GARS1: variants seen among roughly 807,000 people sequenced by gnomAD.
The protein encoded by GARS1 is glycine--tRNA ligase.
A neutral mutation model predicts 86.4 loss-of-function variants in GARS1; 46 were observed. The observed-to-expected ratio is 0.53, with a 90% CI of 0.42 to 0.68. GARS1 has a LOEUF of 0.68. GARS1 is among the 30% of genes least tolerant of loss of function. The probability of loss-of-function intolerance (pLI) is 0.00; values close to 1 mark genes in which losing one functional copy is unlikely to be tolerated. For synonymous variants in GARS1, 342 were observed against 329.8 expected, an observed-to-expected ratio of 1.04 and a Z score of -0.40; for missense variants, 797 against 915.6, an observed-to-expected ratio of 0.87 and a Z score of 1.67.
intron 8 of GARS1, 93 bp from the exon 9 acceptor site, chr7:30,615,803 C>T: frequency 7.2e-7 from 1 of 1,393,080 alleles, no homozygotes. Flanking sequence ...GCCTTTATCA[C>T]TAGAATGCAG....
chr7:30,626,960 G>A (rs558938415), intron 13 of GARS1: 48 of 381,654 alleles, frequency 1.3e-4, no homozygotes, highest in South Asian at 8.9e-4. Context: ...CAGCCTGGGC[G>A]ACAGTGCAAG....
chr7:30,632,029 C>T lies in GARS1; in HGVS notation c.1904-218C>T, dbSNP rs1783244213. 2 of 548,662 alleles carry T rather than the reference C, an allele frequency of 3.6e-6. No homozygotes were observed. Among genetic ancestry groups the T allele is most frequent in the Non-Finnish European group, 6.5e-6 (2 of 307,776 alleles). 34.0% of individuals were successfully genotyped at this position (548,662 alleles called of 1,614,324 possible). A position where few individuals can be genotyped will look rare whatever the true frequency, so the allele number is the denominator to read the frequency against. On this transcript the variant is annotated intron_variant, in intron 15 of 16. Coordinates refer to ENST00000389266, the MANE Select transcript of GARS1 (RefSeq NM_002047.4). The surrounding 1 kb of genome is among the most constrained non-coding windows in gnomAD (Gnocchi z 4.1). ...TTGGCTCTTGGTCCCATATTTGTTCCCCCTATAGCTGTATCAGATGGAGGT... is the reference window on the plus strand; with the variant it reads ...TTGGCTCTTGGTCCCATATTTGTTCTCCCTATAGCTGTATCAGATGGAGGT...
chr7:30,595,211 T>TC, intron 1 of GARS1, 68 bp downstream of exon 1: 1 of 1,344,444 alleles, frequency 7.4e-7, no homozygotes, highest in South Asian at 1.3e-5. Flanking sequence ...TGGTCATCCT[T>TC]CCCTCCTCCC....
chr7:30,594,856 T>C (rs948489135), upstream of GARS1: 6 of 1,379,396 alleles, frequency 4.3e-6, no homozygotes, highest in African/African-American at 5.8e-5. Context: ...TTCATCATGC[T>C]CCGAGCCGGG....
Position 30,603,073 on chromosome 7 carries a change from G to A in GARS1, c.609G>A (p.Val203=). 1 of 1,613,884 alleles carries A rather than the reference G, an allele frequency of 6.2e-7. No individual in the cohort carries two copies. Residue 203 remains valine, a synonymous_variant, in exon 5 of 17, where the codon GTG becomes GTA. Transcript: ENST00000389266. ...TAGACAAATTTGCTGACTTCATGGT[G>A]AAAGACGTAAAAAATGGAGAATGTT... ...GHVDKFADFM[V]KDVKNGECFR...
At position 30,633,866 on chromosome 7, in the gene GARS1, A is replaced by G. The variant is rs374447346; in HGVS notation, c.*6A>G. 8.9e-6 allele frequency: 14 copies of G among 1,572,952 alleles called. No individual in the cohort carries two copies. The highest frequency in any genetic ancestry group is 1.4e-5 in the African/African-American group (1 of 72,314). The stretch of plus-strand genomic sequence containing the variant: ...AAGAGACAATCGAGGAATGAGGACA[A>G]TTTTGACAACTTTTGACCACTTGCG... On this transcript the variant is annotated 3_prime_UTR_variant, in exon 17 of 17. Coordinates refer to ENST00000389266, the MANE Select transcript of GARS1 (RefSeq NM_002047.4).
At chr7:30,624,481 G>A (rs998261235) in intron 12 of GARS1, among the ~76,000 whole-genome samples, 9 of 152,154 alleles carry the variant, frequency 5.9e-5, no homozygotes, top group African/African-American at 1.9e-4. Context: ...GTAGCACAAA[G>A]GGTGGGAGCA....
chr7:30,605,295 C>T (rs1466422337), intron 6 of GARS1, among the ~76,000 whole-genome samples: 2 of 152,204 alleles, frequency 1.3e-5, no homozygotes, highest in South Asian at 2.1e-4. Context: ...CAGCTCAGAA[C>T]GAATTCTTTT....
intron 12 of GARS1, 153 bp downstream of exon 12, chr7:30,622,615 AT>A: frequency 1.1e-6 from 1 of 885,288 alleles, no homozygotes; most frequent in Non-Finnish European, 1.8e-6. Flanking sequence ...AGATTTTGGC[AT>A]TATAGCCTGA....
chr7:30,625,052 C>T (rs1783099211), intron 12 of GARS1, among the ~76,000 whole-genome samples: 1 of 152,104 alleles, frequency 6.6e-6, no homozygotes, highest in East Asian at 1.9e-4. Flanking sequence ...AAGCAATTCT[C>T]CTGCCTCAGC....
chr7:30,598,621 T>C (rs1177916670), intron 1 of GARS1, among the ~76,000 whole-genome samples, 175 bp from the exon 2 acceptor site: 1 of 152,146 alleles, frequency 6.6e-6, no homozygotes, highest in Non-Finnish European at 1.5e-5. Context: ...ACTCCTGATC[T>C]CAGATGGTGA....
rs757368708 is a variant in GARS1 at position 30,632,452 on chromosome 7, C to G, written c.2094+15C>G. 6 of 1,613,854 alleles carry G rather than the reference C, an allele frequency of 3.7e-6. No individual in the cohort carries two copies. The highest frequency in any genetic ancestry group is 1.3e-5 in the African/African-American group (1 of 75,028). ...TAAGAGCAGAGGTATCTGGCCTTCT[C>G]TTTGGCATTTTTAGCCTTAGAAATG... On this transcript the variant is annotated intron_variant, in intron 16 of 16. Coordinates refer to ENST00000389266, the MANE Select transcript of GARS1 (RefSeq NM_002047.4). The surrounding 1 kb of genome is among the most constrained non-coding windows in gnomAD (Gnocchi z 4.1).
intron 6 of GARS1, among the ~76,000 whole-genome samples, chr7:30,606,647 G>A (rs114559294): frequency 1.4e-4 from 21 of 152,214 alleles, no homozygotes; most frequent in African/African-American, 5.1e-4. Flanking sequence ...CACAGCCCTT[G>A]TAGTCTCTGA....
At chr7:30,625,308 A>T (rs983238552) in intron 12 of GARS1, among the ~76,000 whole-genome samples, 1 of 152,216 alleles carries the variant, frequency 6.6e-6, no homozygotes, top group African/African-American at 2.4e-5. Flanking sequence ...GAGAGAATGC[A>T]TGTGACACTG....
chr7:30,597,832 C>T (rs961186714), intron 1 of GARS1, among the ~76,000 whole-genome samples: 3 of 152,158 alleles, frequency 2.0e-5, no homozygotes, highest in African/African-American at 7.2e-5. Context: ...CTGTTGGGTG[C>T]CCAAGGGCTA....
chr7:30,596,327 TC>T (rs1791245451), intron 1 of GARS1, among the ~76,000 whole-genome samples: 1 of 152,244 alleles, frequency 6.6e-6, no homozygotes, highest in South Asian at 2.1e-4. Flanking sequence ...TTAACTTTTT[TC>T]TTCATGATTG....
intron 7 of GARS1, among the ~76,000 whole-genome samples, chr7:30,610,802 A>T (rs370209026): frequency 4.6e-5 from 7 of 152,236 alleles, no homozygotes; most frequent in African/African-American, 1.7e-4. Context: ...AAATTATGGT[A>T]AAGTGGATTA....
chr7:30,621,341 C>A, intron 10 of GARS1, 52 bp from the exon 11 acceptor site: 1 of 1,420,962 alleles, frequency 7.0e-7, no homozygotes, highest in Non-Finnish European at 1.0e-6. Flanking sequence ...TGAATGAACC[C>A]AATATAAGTA....
intron 10 of GARS1, among the ~76,000 whole-genome samples, chr7:30,618,696 A>C (rs756657840): frequency 6.6e-6 from 1 of 152,218 alleles, no homozygotes; most frequent in Non-Finnish European, 1.5e-5. Flanking sequence ...TGCCTTCTCT[A>C]GATGATTTTT....
Sources: allele counts gnomAD v4.1 joint callset (sites outside exome capture counted in the v4.1 genomes callset), GRCh38; gene constraint gnomAD v4.1.1; non-coding constraint Gnocchi (gnomAD v3.1); transcripts MANE v1.5; gene names NCBI Gene and HGNC (gene_info 2026-07-23, HGNC 2026-07-21).